The following CLMN variants were observed in gnomAD, a reference collection of about 807,000 sequenced individuals.
The protein encoded by CLMN is calmin, also known as calmin (calponin-like, transmembrane).
A neutral mutation model predicts 92.7 loss-of-function variants in CLMN; 57 were observed. The ratio of observed to expected loss-of-function variants is 0.61; its 90% CI spans 0.50 to 0.77. CLMN has a LOEUF of 0.77. CLMN is among the 30% of genes least tolerant of loss of function. CLMN has a pLI of 0.00. For missense variants in CLMN, 1,158 were observed against 1,237.5 expected, an observed-to-expected ratio of 0.94 and a Z score of 0.96; for synonymous variants, 466 against 470.6, an observed-to-expected ratio of 0.99 and a Z score of 0.13.
At chr14:95,234,166 A>G (rs553913888) in intron 1 of CLMN, among the ~76,000 whole-genome samples, 1 of 152,274 alleles carries the variant, frequency 6.6e-6, no homozygotes, top group Admixed American at 6.5e-5. Flanking sequence ...CCCTCCACAG[A>G]ATGAGGTTGG....
At chr14:95,297,005 T>C (rs984381228) in intron 1 of CLMN, among the ~76,000 whole-genome samples, 4 of 152,060 alleles carry the variant, frequency 2.6e-5, no homozygotes, top group Non-Finnish European at 5.9e-5. Context: ...GAATGCCAGC[T>C]AGTGTGTTCC....
intron 8 of CLMN, among the ~76,000 whole-genome samples, chr14:95,206,324 T>G (rs1052840278): frequency 3.3e-5 from 5 of 152,170 alleles, no homozygotes; most frequent in Admixed American, 6.5e-5. Flanking sequence ...TGGAGATTTT[T>G]TTTTCAACAT....
chr14:95,263,250 C>T (rs1899330755), intron 1 of CLMN, among the ~76,000 whole-genome samples: 1 of 152,096 alleles, frequency 6.6e-6, no homozygotes, highest in Non-Finnish European at 1.5e-5. Context: ...AGGAGAAGTG[C>T]CAAACAAAGG....
rs1441078610 is a variant in CLMN, at chr14:95,259,952, TCC to T, written c.83-29821_83-29820del. Among the ~76,000 whole-genome samples the T allele has an allele frequency of 1.3e-5, 2 of 152,144 alleles. No homozygotes were observed. Among genetic ancestry groups the T allele is most frequent in the Non-Finnish European group, 2.9e-5 (2 of 68,022 alleles). ...GCTGTTCCTGCTGTCTGGCACTCTCTCCCTGCACTTCTCCACCTGCTCGTCAA... is the reference window on the plus strand; with the variant it reads ...GCTGTTCCTGCTGTCTGGCACTCTCTCTGCACTTCTCCACCTGCTCGTCAA... On this transcript the variant is annotated intron_variant, in intron 1 of 12. Coordinates refer to ENST00000298912, the MANE Select transcript of CLMN (RefSeq NM_024734.4). The surrounding 1 kb of genome is among the most constrained non-coding windows in gnomAD (Gnocchi z 4.3).
chr14:95,254,622 C>T (rs946255776), intron 1 of CLMN, among the ~76,000 whole-genome samples: 3 of 152,154 alleles, frequency 2.0e-5, no homozygotes, highest in African/African-American at 7.2e-5. Flanking sequence ...CGGTGTTCTC[C>T]CCCACCCTCC....
intron 1 of CLMN, among the ~76,000 whole-genome samples, chr14:95,289,577 T>A (rs1028434571): frequency 6.6e-6 from 1 of 152,172 alleles, no homozygotes; most frequent in Non-Finnish European, 1.5e-5. Flanking sequence ...TCAATTTTTT[T>A]AAATGCTAAA....
chr14:95,225,247 G>A (rs191355190), intron 2 of CLMN, among the ~76,000 whole-genome samples: 117 of 151,602 alleles, frequency 7.7e-4, no homozygotes, highest in African/African-American at 2.1e-3. Flanking sequence ...ATGAGCCAAC[G>A]AGAAGCAAGG....
chr14:95,230,830 A>C (rs1405482026), intron 1 of CLMN, among the ~76,000 whole-genome samples: 1 of 152,242 alleles, frequency 6.6e-6, no homozygotes, highest in African/African-American at 2.4e-5. Flanking sequence ...GAGCCAGGGC[A>C]GACTTTGCAC....
intron 1 of CLMN, among the ~76,000 whole-genome samples, chr14:95,260,315 G>A (rs941798837): frequency 5.9e-5 from 9 of 152,068 alleles, no homozygotes; most frequent in Non-Finnish European, 1.0e-4. Context: ...GGTGGCGGGC[G>A]CCTGTAGTCG....
rs145243192 is a variant in CLMN, at chr14:95,182,657, C to G, written c.*8907G>C. 6.7e-6 allele frequency: 1 copy of G among 149,906 alleles called. No homozygotes were observed. Among genetic ancestry groups the G allele is most frequent in the African/African-American group, 2.5e-5 (1 of 39,390 alleles). 9.3% of individuals were successfully genotyped at this position (149,906 alleles called of 1,614,324 possible). A position where few individuals can be genotyped will look rare whatever the true frequency, so the allele number is the denominator to read the frequency against. ...TAAGGGATCCTTGTTGGAATGCAAA[C>G]GGCTCCGATTCTGAGTAGAATTTCA... On this transcript the variant is annotated 3_prime_UTR_variant, in exon 13 of 13. Transcript: ENST00000298912.
At chr14:95,227,527 T>C (rs1017891346) in intron 2 of CLMN, among the ~76,000 whole-genome samples, 6 of 152,280 alleles carry the variant, frequency 3.9e-5, no homozygotes, top group East Asian at 3.9e-4. Context: ...ACTAACAACA[T>C]TTCCAGTTAC....
intron 9 of CLMN, among the ~76,000 whole-genome samples, chr14:95,198,766 A>C (rs997250984): frequency 3.9e-5 from 6 of 152,194 alleles, no homozygotes; most frequent in Non-Finnish European, 7.3e-5. Flanking sequence ...CAAGTGCTGG[A>C]CACATGCACT....
chr14:95,286,998 C>T (rs149867673), intron 1 of CLMN, among the ~76,000 whole-genome samples: 92 of 152,322 alleles, frequency 6.0e-4, no homozygotes, highest in African/African-American at 2.1e-3. Flanking sequence ...AGATGCCACA[C>T]GTGAGCTGCC....
At chr14:95,214,539 T>C (rs1897281038) in intron 5 of CLMN, among the ~76,000 whole-genome samples, 1 of 151,862 alleles carries the variant, frequency 6.6e-6, no homozygotes, top group Non-Finnish European at 1.5e-5. Context: ...TTTGTAGAGA[T>C]GGGGTCTTGC....
chr14:95,212,982 G>T (rs1212193578), intron 6 of CLMN, among the ~76,000 whole-genome samples: 1 of 151,992 alleles, frequency 6.6e-6, no homozygotes, highest in Non-Finnish European at 1.5e-5. Context: ...TAGAGACAGG[G>T]TTTCACCGTG....
intron 1 of CLMN, among the ~76,000 whole-genome samples, chr14:95,270,935 G>A (rs1199537032): frequency 6.6e-6 from 1 of 152,198 alleles, no homozygotes; most frequent in East Asian, 1.9e-4. Flanking sequence ...CTCTAGCAGT[G>A]CATTGGGGTT....
chr14:95,313,563 T>G (rs1229762089), intron 1 of CLMN, among the ~76,000 whole-genome samples: 2 of 152,180 alleles, frequency 1.3e-5, no homozygotes, highest in Admixed American at 6.5e-5. Flanking sequence ...AAAAGTCCAT[T>G]TTTTGATGCT....
chr14:95,307,707 A>ACAGGC (rs1264597876), intron 1 of CLMN: 1 of 152,196 alleles, frequency 6.6e-6, no homozygotes, highest in Non-Finnish European at 1.5e-5. Flanking sequence ...AGTTAAACTC[A>ACAGGC]CAGGCCAGGC....
At chr14:95,303,525 G>A (rs1901147389) in intron 1 of CLMN, among the ~76,000 whole-genome samples, 1 of 152,194 alleles carries the variant, frequency 6.6e-6, no homozygotes, top group East Asian at 1.9e-4. Flanking sequence ...ACCCCATATG[G>A]GCCCCCAACC....
Sources: allele counts gnomAD v4.1 joint callset (sites outside exome capture counted in the v4.1 genomes callset), GRCh38; gene constraint gnomAD v4.1.1; non-coding constraint Gnocchi (gnomAD v3.1); transcripts MANE v1.5; gene names NCBI Gene and HGNC (gene_info 2026-07-23, HGNC 2026-07-21).